Variants in AK2 observed in about 807,000 individuals in gnomAD.
The protein encoded by AK2 is adenylate kinase 2, mitochondrial.
Under a neutral mutation model 24.6 loss-of-function variants are expected in AK2, and 15 were observed. The observed-to-expected ratio is 0.61, with a 90% CI of 0.41 to 0.94. The LOEUF (loss-of-function observed/expected upper bound fraction) is 0.94, where lower values mean the gene tolerates loss of function less well. Ranked by LOEUF, AK2 falls within the 40% of genes least tolerant of loss-of-function variation. The pLI, the probability that AK2 is intolerant of heterozygous loss-of-function variation, is 0.00. For missense variants in AK2, 257 were observed against 304.1 expected (o/e 0.85, Z 1.15); for synonymous variants, 102 against 114.0 (o/e 0.90, Z 0.67).
At chr1:33,024,668 A>G (rs1639761968) in intron 1 of AK2, 101 bp from the exon 2 acceptor site, 2 of 1,462,168 alleles carry the variant, frequency 1.4e-6, no homozygotes, top group South Asian at 2.3e-5. Context: ...TGGCTATGTA[A>G]ACATGGGCAA....
chr1:33,034,072 G>A (rs200859837), intron 1 of AK2, among the ~76,000 whole-genome samples: 20 of 151,894 alleles, frequency 1.3e-4, no homozygotes, highest in African/African-American at 4.6e-4. Context: ...ATGGGGTTTC[G>A]CCATGTTGCC....
intron 4 of AK2, chr1:33,020,228 C>T (rs532218218): frequency 9.4e-7 from 1 of 1,064,036 alleles, no homozygotes; most frequent in East Asian, 2.8e-5. Context: ...CACACACACA[C>T]AAAGTGGCTG....
At chr1:33,036,468 C>A (rs1317744579) in intron 1 of AK2, among the ~76,000 whole-genome samples, 1 of 152,222 alleles carries the variant, frequency 6.6e-6, no homozygotes, top group Non-Finnish European at 1.5e-5. Context: ...AGTCTCTAGA[C>A]CCTTAGTGGA....
intron 1 of AK2, 84 bp downstream of exon 1, chr1:33,036,652 G>GC: frequency 3.8e-6 from 5 of 1,304,882 alleles, no homozygotes; most frequent in Non-Finnish European, 5.4e-6. Flanking sequence ...CCCGCTCCGG[G>GC]CAGGTCCAGG....
chr1:33,024,807 G>C (rs1293623226), intron 1 of AK2, among the ~76,000 whole-genome samples: 1 of 152,178 alleles, frequency 6.6e-6, no homozygotes, highest in African/African-American at 2.4e-5. Flanking sequence ...AGTACAACTA[G>C]CACACAGGAA....
intron 2 of AK2, 56 bp from the exon 3 acceptor site, chr1:33,021,759 C>T: frequency 2.2e-6 from 3 of 1,366,358 alleles, no homozygotes; most frequent in Non-Finnish European, 3.1e-6. Flanking sequence ...AGGTGACTGA[C>T]ATTAGCCCAA....
At chr1:33,016,479 G>A (rs1282530071) in intron 4 of AK2, among the ~76,000 whole-genome samples, 1 of 151,858 alleles carries the variant, frequency 6.6e-6, no homozygotes, top group Non-Finnish European at 1.5e-5. Flanking sequence ...CCGAAGTGCT[G>A]GGATTACAGG....
Position 33,012,969 on chromosome 1 carries a change from A to T in AK2, c.*212T>A, listed in dbSNP as rs766048250. The T allele has an allele frequency of 6.4e-7, 1 of 1,569,642 alleles. No individual in the cohort carries two copies. Among genetic ancestry groups the T allele is most frequent in the African/African-American group, 1.3e-5 (1 of 74,586 alleles). On this transcript the variant is annotated 3_prime_UTR_variant, in exon 6 of 6. Transcript: ENST00000672715. The stretch of plus-strand genomic sequence containing the variant: ...CTAAAACTTACAAAGTAGCAGAGTG[A>T]ACACATATGTGCATGCACACACACA...
Position 33,012,148 on chromosome 1 carries a change from T to C in AK2, c.*1033A>G, listed in dbSNP as rs1638861377. On this transcript the variant is annotated 3_prime_UTR_variant, in exon 6 of 6. Transcript: ENST00000672715. ...CTGGATGTTCAGAAGACAATCTGAATTCAAAAGGACCTTTCACCTGGTTTA... is the reference window on the plus strand; with the variant it reads ...CTGGATGTTCAGAAGACAATCTGAACTCAAAAGGACCTTTCACCTGGTTTA... 8 of 1,535,470 alleles carry C rather than the reference T, an allele frequency of 5.2e-6. No homozygotes were observed. The highest frequency in any genetic ancestry group is 6.1e-6 in the Non-Finnish European group (7 of 1,146,732).
chr1:33,021,336 G>C (rs752488370), intron 4 of AK2, 31 bp downstream of exon 4: 24 of 1,578,894 alleles, frequency 1.5e-5, no homozygotes, highest in Non-Finnish European at 2.0e-5. Flanking sequence ...GCTCTGAGAA[G>C]CATGAAAAGG....
In AK2 at chr1:33,024,555, C is replaced by G. The variant is rs1376349075; in HGVS notation, c.106G>C (p.Ala36Pro). Residue 36 changes from alanine to proline, a missense_variant, in exon 2 of 6, where the codon GCT becomes CCT. Physicochemically the swap from Ala to Pro is conservative, Grantham distance 27. Transcript: ENST00000672715. ...AGKGTQAPRLAENFCVCHLAT... is the reference protein window; with the variant it reads ...AGKGTQAPRLPENFCVCHLAT... ...AAATGGCAGACACAGAAGTTTTCAG[C>G]CAATCTGGGTGCCTACAGAGAGGAA... The G allele has an allele frequency of 6.2e-7, 1 of 1,614,118 alleles. No homozygotes were observed. Among genetic ancestry groups the G allele is most frequent in the Non-Finnish European group, 8.5e-7 (1 of 1,179,984 alleles).
At chr1:33,017,755 C>T (rs560859065) in intron 4 of AK2, among the ~76,000 whole-genome samples, 4 of 152,042 alleles carry the variant, frequency 2.6e-5, no homozygotes, top group Admixed American at 2.0e-4. Context: ...GAGTGTGATA[C>T]TTTATTTTTA....
At chr1:33,013,893 T>A (rs1386775622) in intron 5 of AK2, among the ~76,000 whole-genome samples, 1 of 152,214 alleles carries the variant, frequency 6.6e-6, no homozygotes, top group African/African-American at 2.4e-5. Flanking sequence ...ATGGTAGAAT[T>A]AGCAACTTTG....
downstream of AK2, chr1:33,007,948 A>G (rs542137936): frequency 2.9e-5 from 13 of 448,862 alleles, no homozygotes; most frequent in Non-Finnish European, 5.4e-5. Flanking sequence ...CCACAGGGTT[A>G]TCGAGGAGAA....
chr1:33,020,203 A>ACACACACG (rs1639447885), intron 4 of AK2: 2 of 1,224,302 alleles, frequency 1.6e-6, no homozygotes, highest in Non-Finnish European at 2.3e-6. Context: ...ACACACACAC[A>ACACACACG]CACACACACA....
chr1:33,024,279 T>A, intron 2 of AK2, 163 bp downstream of exon 2: 1 of 964,724 alleles, frequency 1.0e-6, no homozygotes, highest in Non-Finnish European at 1.6e-6. Context: ...TGTATCAGCG[T>A]TGGCTGGTAA....
In AK2 at chr1:33,035,916, AAAAT is replaced by A. The variant is rs572146188; in HGVS notation, c.93+816_93+819del. Among the ~76,000 whole-genome samples the A allele has an allele frequency of 5.9e-5, 9 of 152,222 alleles. No individual in the cohort carries two copies. The South Asian group carries it at 1.4e-3, about 24-fold the overall frequency. ...AACAACAACAAAATAAAAAAAGGAA[AAAAT>A]AAATAAAAACCAAAGGGAAGGAAGA... On this transcript the variant is annotated intron_variant, in intron 1 of 5. Coordinates refer to ENST00000672715, the MANE Select transcript of AK2 (RefSeq NM_001625.4).
At chr1:33,028,185 T>A in intron 1 of AK2, among the ~76,000 whole-genome samples, 1 of 152,104 alleles carries the variant, frequency 6.6e-6, no homozygotes, top group East Asian at 1.9e-4. Flanking sequence ...TCACAGACTC[T>A]AAATCACTGG....
At chr1:33,017,238 C>G (rs1225264033) in intron 4 of AK2, among the ~76,000 whole-genome samples, 1 of 151,976 alleles carries the variant, frequency 6.6e-6, no homozygotes, top group African/African-American at 2.4e-5. Flanking sequence ...TGCTTGAATC[C>G]GTAGATGAGG....
Sources: gnomAD v4.1 joint callset for allele counts (sites outside exome capture counted in the v4.1 genomes callset) on GRCh38, gnomAD v4.1.1 for gene constraint, MANE v1.5 for transcripts, NCBI Gene and HGNC (gene_info 2026-07-23, HGNC 2026-07-21) for gene names.